Variants in PCLO observed in about 807,000 individuals in gnomAD.
PCLO encodes the protein piccolo presynaptic cytomatrix protein.
PCLO carries 82 observed loss-of-function variants against 427.5 expected under a neutral mutation model. That is an observed-to-expected ratio of 0.19 (90% CI 0.16 to 0.23). PCLO has a LOEUF of 0.23. PCLO is among the 10% of genes least tolerant of loss of function. PCLO has a pLI of 1.00. For synonymous variants in PCLO, 2,357 were observed against 2,155.4 expected (o/e 1.09, Z -2.59); for missense variants, 6,239 against 6,115.9 (o/e 1.02, Z -0.67).
rs948532816 is a variant in PCLO at position 82,966,125 on chromosome 7, G to A, written c.3663C>T (p.Ile1221=). 1 of 1,605,638 alleles carries A rather than the reference G, an allele frequency of 6.2e-7. No homozygotes were observed. Among genetic ancestry groups the A allele is most frequent in the Admixed American group, 1.7e-5 (1 of 58,052 alleles). ...CAGAACGTATCTTTTCTTCTTCAGG[G>A]ATTAGTTTTTTTTCTTCAGGGAGTG... ...KKPLPEEKKL[I]PEEEKIRSEE... The change falls in exon 4 of 25, where the codon ATC becomes ATT. Residue 1221 remains isoleucine (I), a synonymous_variant. Transcript: ENST00000333891.
intron 22 of PCLO, among the ~76,000 whole-genome samples, chr7:82,799,813 C>T (rs537299435): frequency 1.6e-3 from 238 of 152,288 alleles, no homozygotes; most frequent in Non-Finnish European, 2.5e-3. Context: ...TTTCGGCTCT[C>T]GCTGTCCTCT....
In PCLO at chr7:82,822,567, T is replaced by C. The variant is rs555710577; in HGVS notation, c.14719A>G (p.Thr4907Ala). 4 of 1,613,766 alleles carry C rather than the reference T, an allele frequency of 2.5e-6. No individual in the cohort carries two copies. The highest frequency in any genetic ancestry group is 2.7e-5 in the African/African-American group (2 of 74,898). ...RSQSKTSVTQTHLEDAGAAIA... is the reference protein window; with the variant it reads ...RSQSKTSVTQAHLEDAGAAIA... ...GCAGCCCCTGCATCTTCCAGGTGGG[T>C]CTGAGTGACGCTGGTTTTGCTTTGA... The change falls in exon 20 of 25, where the codon ACC (threonine) becomes GCC (alanine). Residue 4907 changes from threonine (T) to alanine (A), a missense_variant. Physicochemically the swap from Thr to Ala is moderately conservative, Grantham distance 58 (BLOSUM62 0). Transcript: ENST00000333891.
chr7:82,789,619 C>G (rs1791058958), intron 22 of PCLO, among the ~76,000 whole-genome samples: 2 of 152,134 alleles, frequency 1.3e-5, no homozygotes, highest in African/African-American at 2.4e-5. Context: ...GCAGGAGAAT[C>G]ACTTGAAGCT....
At chr7:82,948,294 GA>G (rs34214635) in intron 6 of PCLO, among the ~76,000 whole-genome samples, 1,895 of 142,696 alleles carry the variant, frequency 0.013, 40 homozygotes, top group African/African-American at 0.044. Flanking sequence ...ACTACTTTGA[GA>G]AAAAAAAAAA....
At chr7:82,994,474 G>A (rs1254195077) in intron 3 of PCLO, among the ~76,000 whole-genome samples, 6 of 151,962 alleles carry the variant, frequency 3.9e-5, no homozygotes, top group African/African-American at 1.4e-4. Flanking sequence ...CTTGGGCAAA[G>A]GGCCTTGTAA....
At chr7:82,860,659 A>G (rs1792929573) in intron 10 of PCLO, among the ~76,000 whole-genome samples, 1 of 152,082 alleles carries the variant, frequency 6.6e-6, no homozygotes, top group African/African-American at 2.4e-5. Context: ...AGAGAAACAC[A>G]TATTATTATA....
chr7:83,001,505 A>ACAC (rs1787822338), intron 3 of PCLO, among the ~76,000 whole-genome samples: 65 of 149,148 alleles, frequency 4.4e-4, no homozygotes, highest in African/African-American at 1.5e-3. Flanking sequence ...CACACATACA[A>ACAC]ACACACACAC....
At chr7:83,143,622 A>G (rs947810126) in intron 2 of PCLO, among the ~76,000 whole-genome samples, 1 of 149,858 alleles carries the variant, frequency 6.7e-6, no homozygotes, top group Non-Finnish European at 1.5e-5. Flanking sequence ...GCATATTTTA[A>G]TATGTTTGTC....
chr7:83,138,430 A>G, intron 2 of PCLO, among the ~76,000 whole-genome samples: 1 of 152,130 alleles, frequency 6.6e-6, no homozygotes, highest in Non-Finnish European at 1.5e-5. Context: ...GAAGGCCAAC[A>G]TGGGCAGATC....
At chr7:82,908,512 C>CTGAACA (rs1794245734) in intron 8 of PCLO, among the ~76,000 whole-genome samples, 1 of 152,122 alleles carries the variant, frequency 6.6e-6, no homozygotes, top group African/African-American at 2.4e-5. Context: ...CTCTTAGCAT[C>CTGAACA]TGAACATGTT....
At chr7:82,876,713 T>C (rs1486159027) in intron 10 of PCLO, among the ~76,000 whole-genome samples, 1 of 152,146 alleles carries the variant, frequency 6.6e-6, no homozygotes, top group Non-Finnish European at 1.5e-5. Context: ...TATTTAATGT[T>C]CAGAACCAGT....
chr7:82,945,305 A>C (rs894482276), intron 6 of PCLO, among the ~76,000 whole-genome samples: 5 of 152,212 alleles, frequency 3.3e-5, no homozygotes, highest in African/African-American at 1.2e-4. Flanking sequence ...AAAAATACCC[A>C]AAACAAATAA....
At chr7:83,093,462 A>ATGTGTGTGTGTGTGTGTGTG (rs199740692) in intron 3 of PCLO, among the ~76,000 whole-genome samples, 1 of 94,808 alleles carries the variant, frequency 1.1e-5, no homozygotes, top group African/African-American at 4.0e-5. Context: ...AAACATATAT[A>ATGTGTGTGTGTGTGTGTGTG]TGTGTGTGTG....
intron 3 of PCLO, among the ~76,000 whole-genome samples, chr7:83,124,646 G>C (rs1257050277): frequency 6.6e-6 from 1 of 152,144 alleles, no homozygotes; most frequent in East Asian, 1.9e-4. Flanking sequence ...ATACGATCCA[G>C]CAATACCACT....
chr7:83,010,829 T>C (rs1788059689), intron 3 of PCLO, among the ~76,000 whole-genome samples: 1 of 151,990 alleles, frequency 6.6e-6, no homozygotes, highest in Non-Finnish European at 1.5e-5. Context: ...CTAAATCTTT[T>C]TTCCAATAAA....
intron 3 of PCLO, among the ~76,000 whole-genome samples, chr7:83,010,483 T>A (rs1325141946): frequency 6.6e-6 from 1 of 151,798 alleles, no homozygotes; most frequent in Non-Finnish European, 1.5e-5. Context: ...ACCAATATTA[T>A]TTTGGCCACC....
intron 3 of PCLO, among the ~76,000 whole-genome samples, chr7:83,051,852 C>T (rs530012275): frequency 1.3e-5 from 2 of 152,088 alleles, no homozygotes; most frequent in East Asian, 1.9e-4. Flanking sequence ...GCAAGAAAGA[C>T]GACTCATAGA....
At chr7:83,017,575 T>C (rs1452471510) in intron 3 of PCLO, among the ~76,000 whole-genome samples, 1 of 152,016 alleles carries the variant, frequency 6.6e-6, no homozygotes, top group Non-Finnish European at 1.5e-5. Context: ...GAGATAAACC[T>C]AGATTTATTA....
chr7:82,813,868 C>T (rs1445597021), intron 20 of PCLO, among the ~76,000 whole-genome samples: 2 of 151,698 alleles, frequency 1.3e-5, no homozygotes, highest in Admixed American at 1.3e-4. Flanking sequence ...TCAAGTATTT[C>T]GTAAGAAGCT....
Sources: allele counts gnomAD v4.1 joint callset (sites outside exome capture counted in the v4.1 genomes callset), GRCh38; gene constraint gnomAD v4.1.1; transcripts MANE v1.5; gene names NCBI Gene and HGNC (gene_info 2026-07-23, HGNC 2026-07-21).